RASA2: variants seen among roughly 807,000 people sequenced by gnomAD.
RASA2 encodes the protein ras GTPase-activating protein 2.
Under a neutral mutation model 118.2 loss-of-function variants are expected in RASA2, and 155 were observed. The observed-to-expected ratio is 1.31, with a 90% CI of 1.15 to 1.50. The LOEUF is 1.50. RASA2 is among the 40% of genes most tolerant of loss of function. The pLI is 0.00. For synonymous variants in RASA2, 353 were observed against 349.1 expected, an observed-to-expected ratio of 1.01 and a Z score of -0.12; for missense variants, 1,016 against 1,009.6, an observed-to-expected ratio of 1.01 and a Z score of -0.09.
At chr3:141,603,829 A>G (rs2083504403) in intron 19 of RASA2, among the ~76,000 whole-genome samples, 1 of 152,216 alleles carries the variant, frequency 6.6e-6, no homozygotes, top group African/African-American at 2.4e-5. Flanking sequence ...TTTCATGTAC[A>G]TGGAATCATA....
intron 19 of RASA2, among the ~76,000 whole-genome samples, chr3:141,592,455 G>A (rs750404965): frequency 1.3e-5 from 2 of 152,182 alleles, no homozygotes; most frequent in Non-Finnish European, 1.5e-5. Context: ...GGACCTTGTG[G>A]GCTTTTACTT....
intron 5 of RASA2, among the ~76,000 whole-genome samples, chr3:141,544,208 T>C (rs1055676146): frequency 6.6e-6 from 1 of 152,176 alleles, no homozygotes; most frequent in African/African-American, 2.4e-5. Flanking sequence ...TTAGCTTGAT[T>C]GTGATGTATC....
rs113180951 is a variant in RASA2, at chr3:141,553,123, G to C, written c.528-734G>C. Among the ~76,000 whole-genome samples, 1,307 of 152,248 alleles carry C rather than the reference G, an allele frequency of 8.6e-3. 22 individuals carry two copies. Among genetic ancestry groups the C allele is most frequent in the African/African-American group, 0.025 (1,050 of 41,540 alleles). On this transcript the variant is annotated intron_variant, in intron 5 of 23. Coordinates refer to ENST00000286364, the MANE Select transcript of RASA2 (RefSeq NM_006506.5). ...TGTTTACTGAGAATTGGAATAAAAG[G>C]CTGCAGAATTGTGTGAAGCTTGCCC...
Position 141,613,123 on chromosome 3 carries a change from G to C in RASA2, c.*810G>C, listed in dbSNP as rs1264914872. 6.6e-6 allele frequency: 1 copy of C among 152,196 alleles called. No individual in the cohort carries two copies. Among genetic ancestry groups the C allele is most frequent in the African/African-American group, 2.4e-5 (1 of 41,462 alleles). The allele number at this position is 152,196 out of a possible 1,614,324, so 9.4% of individuals were successfully genotyped here. A position where few individuals can be genotyped will look rare whatever the true frequency, so the allele number is the denominator to read the frequency against. On this transcript the variant is annotated 3_prime_UTR_variant, in exon 24 of 24. Transcript: ENST00000286364. ...AAAAAGAAAGTAAACAGGGAATGAA[G>C]GTGGTGGGAAAATCACTTCACTTCA...
At chr3:141,599,479 C>G (rs2083430171) in intron 19 of RASA2, among the ~76,000 whole-genome samples, 4 of 151,954 alleles carry the variant, frequency 2.6e-5, no homozygotes, top group Admixed American at 1.3e-4. Flanking sequence ...AATTTGTTTC[C>G]CCTTTCTAGT....
rs985391018 is a variant in RASA2, at chr3:141,576,985, A to AT, written c.1484-8dup. 1.0e-5 allele frequency: 16 copies of AT among 1,526,434 alleles called. No individual in the cohort carries two copies. In the Admixed American group the frequency reaches 2.4e-4, roughly 23 times the overall value. 94.6% of individuals were successfully genotyped at this position (1,526,434 alleles called of 1,614,324 possible). ...TTGTTTTTGTGCATGACATTTCACC[A>AT]TTTTTTTCCTGCAGATGACCCTCAT... On this transcript the variant is annotated splice_polypyrimidine_tract_variant and intron_variant, in intron 14 of 23. Coordinates refer to ENST00000286364, the MANE Select transcript of RASA2 (RefSeq NM_006506.5).
chr3:141,603,747 T>TA (rs2083502766), intron 19 of RASA2, among the ~76,000 whole-genome samples: 1 of 152,084 alleles, frequency 6.6e-6, no homozygotes, highest in Non-Finnish European at 1.5e-5. Context: ...TCACTCCCCA[T>TA]TCCTCCCTTC....
chr3:141,580,417 CT>C lies in RASA2; in HGVS notation c.1643del (p.Leu548TrpfsTer33). 2 of 1,609,446 alleles carry C rather than the reference CT, an allele frequency of 1.2e-6. No individual in the cohort carries two copies. Among genetic ancestry groups the C allele is most frequent in the Non-Finnish European group, 1.7e-6 (2 of 1,176,930 alleles). On this transcript the variant is annotated frameshift_variant, in exon 16 of 24. Transcript: ENST00000286364. LOFTEE classifies it high-confidence loss of function. ...ACTCTCATCTCAAAAACTATACAAA[CT>C]TTGGGAAGCTGGGGGAGTCTGTCCA... ...TLTLISKTIQ[T>X]LGSWGSLSKS...
At chr3:141,519,127 T>C (rs1465846372) in intron 3 of RASA2, among the ~76,000 whole-genome samples, 2 of 152,188 alleles carry the variant, frequency 1.3e-5, no homozygotes, top group African/African-American at 2.4e-5. Flanking sequence ...TGAACATTTT[T>C]ATGATTTCCT....
chr3:141,571,615 C>T, intron 11 of RASA2, 61 bp downstream of exon 11: 2 of 1,502,924 alleles, frequency 1.3e-6, no homozygotes, highest in Non-Finnish European at 1.8e-6. Context: ...CTTAGTTTGA[C>T]AGATTGATTT....
Position 141,571,505 on chromosome 3 carries a change from C to T in RASA2, c.1120C>T (p.Leu374Phe). 1 of 1,612,884 alleles carries T rather than the reference C, an allele frequency of 6.2e-7. No homozygotes were observed. Among genetic ancestry groups the T allele is most frequent in the South Asian group, 1.1e-5 (1 of 90,926 alleles). Reference sequence around the variant, plus strand: ...ACGACTGCTGCTGCACCATGATAAACTTGTTCCTTTTGCCACTGCTGTGGC... The same window carrying T: ...ACGACTGCTGCTGCACCATGATAAATTTGTTCCTTTTGCCACTGCTGTGGC... Reference protein sequence around the residue: ...LVRLLLHHDKLVPFATAVAEL... With the variant: ...LVRLLLHHDKFVPFATAVAEL... Residue 374 changes from leucine to phenylalanine, a missense_variant, in exon 11 of 24, where the codon CTT (leucine) becomes TTT (phenylalanine). Physicochemically the swap from Leu to Phe is conservative, Grantham distance 22. This residue lies in a region of RASA2 where 896 missense variants were observed against 836.4 expected (regional missense o/e 1.07). Transcript: ENST00000286364.
intron 19 of RASA2, among the ~76,000 whole-genome samples, chr3:141,598,705 C>T (rs966887007): frequency 5.9e-5 from 9 of 152,114 alleles, no homozygotes; most frequent in African/African-American, 2.2e-4. Flanking sequence ...CTACAAGTTG[C>T]AAACTGTTAG....
At chr3:141,530,819 C>G (rs1156597284) in intron 4 of RASA2, among the ~76,000 whole-genome samples, 1 of 152,038 alleles carries the variant, frequency 6.6e-6, no homozygotes, top group Admixed American at 6.6e-5. Context: ...TCCTTATGAC[C>G]ATAGCTATTA....
intron 7 of RASA2, among the ~76,000 whole-genome samples, chr3:141,556,670 A>T (rs1218969729): frequency 6.6e-6 from 1 of 152,172 alleles, no homozygotes; most frequent in African/African-American, 2.4e-5. Flanking sequence ...AAAAGATTGT[A>T]TTCTAATAAA....
intron 4 of RASA2, among the ~76,000 whole-genome samples, chr3:141,531,620 A>G (rs181254361): frequency 7.9e-5 from 12 of 152,114 alleles, no homozygotes; most frequent in African/African-American, 2.9e-4. Context: ...TGGGGAAGCA[A>G]CAGTTACCCA....
At chr3:141,568,114 A>G (rs1020573368) in intron 9 of RASA2, among the ~76,000 whole-genome samples, 2 of 152,206 alleles carry the variant, frequency 1.3e-5, no homozygotes, top group Non-Finnish European at 2.9e-5. Context: ...TTCACTTCAC[A>G]AGACAGTACA....
chr3:141,560,461 GT>G (rs1275194766), intron 9 of RASA2, among the ~76,000 whole-genome samples: 3 of 152,124 alleles, frequency 2.0e-5, no homozygotes, highest in African/African-American at 7.2e-5. Context: ...GAAATGTACT[GT>G]AGATGGCCCT....
At chr3:141,542,694 T>C (rs2082422372) in intron 5 of RASA2, among the ~76,000 whole-genome samples, 1 of 152,158 alleles carries the variant, frequency 6.6e-6, no homozygotes, top group Non-Finnish European at 1.5e-5. Flanking sequence ...TTTTATCATG[T>C]GTGTTGATTT....
chr3:141,591,358 A>C (rs1482050058), intron 19 of RASA2, among the ~76,000 whole-genome samples: 1 of 152,162 alleles, frequency 6.6e-6, no homozygotes, highest in East Asian at 1.9e-4. Flanking sequence ...TCTTTATGGA[A>C]GCCATTGTAA....
Sources: allele counts gnomAD v4.1 joint callset (sites outside exome capture counted in the v4.1 genomes callset), GRCh38; gene constraint gnomAD v4.1.1; regional missense constraint gnomAD v4.1.1; transcripts MANE v1.5; gene names NCBI Gene and HGNC (gene_info 2026-07-23, HGNC 2026-07-21).